The following FAM107A variants were observed in gnomAD, a reference collection of about 807,000 sequenced individuals.
FAM107A encodes actin-associated protein FAM107A.
In FAM107A, 19 loss-of-function variants were observed where a neutral mutation model predicts 13.7. That is an observed-to-expected ratio of 1.38 (90% CI 0.97 to 2.03). The LOEUF is 2.03. Among genes scored for constraint, FAM107A ranks in the 30% most tolerant of loss-of-function variants. FAM107A has a pLI of 0.00. For synonymous variants in FAM107A, 82 were observed against 74.5 expected (o/e 1.10, Z -0.52); for missense variants, 203 against 184.4 (o/e 1.10, Z -0.58).
upstream of FAM107A, among the ~76,000 whole-genome samples, chr3:58,580,295 G>C (rs2065518308): frequency 6.6e-6 from 1 of 150,852 alleles, no homozygotes; most frequent in African/African-American, 2.4e-5. Flanking sequence ...TAATCTGTTA[G>C]CAGAGGTCAA....
upstream of FAM107A, among the ~76,000 whole-genome samples, chr3:58,578,041 C>T (rs1379558098): frequency 6.6e-6 from 1 of 152,146 alleles, no homozygotes; most frequent in African/African-American, 2.4e-5. Context: ...CTCAGTGTCT[C>T]TGTGTCTTGG....
At chr3:58,587,609 C>T (rs1010253247), upstream of FAM107A, among the ~76,000 whole-genome samples, 3 of 151,746 alleles carry the variant, frequency 2.0e-5, no homozygotes, top group South Asian at 2.1e-4. Flanking sequence ...GTGGGTGGCA[C>T]TGAGAGGCAG....
chr3:58,566,904 G>A, intron 3 of FAM107A: 5 of 608,016 alleles, frequency 8.2e-6, no homozygotes, highest in Non-Finnish European at 1.5e-5. Context: ...CCCCCTCTGG[G>A]CCTCAGCTTC....
chr3:58,622,087 A>G (rs973353291), intron 1 of FAM107A, among the ~76,000 whole-genome samples: 1 of 152,158 alleles, frequency 6.6e-6, no homozygotes, highest in Non-Finnish European at 1.5e-5. Context: ...AGTGGTTCCC[A>G]CCCAAGAAGT....
intron 1 of FAM107A, among the ~76,000 whole-genome samples, chr3:58,618,389 T>C (rs1007525772): frequency 6.6e-6 from 1 of 152,192 alleles, no homozygotes; most frequent in African/African-American, 2.4e-5. Flanking sequence ...CTCCGAAGAA[T>C]GACTGTTGCT....
intron 1 of FAM107A, among the ~76,000 whole-genome samples, chr3:58,609,997 C>T (rs970765617): frequency 3.3e-5 from 5 of 152,208 alleles, no homozygotes; most frequent in African/African-American, 1.2e-4. Context: ...GACAAGATGG[C>T]CAGCACATCA....
chr3:58,569,831 TG>T lies in FAM107A; in HGVS notation c.29del (p.Ala10GlufsTer6). On this transcript the variant is annotated frameshift_variant, in exon 2 of 4. Coordinates refer to ENST00000360997, the MANE Select transcript of FAM107A (RefSeq NM_001076778.3). LOFTEE classifies it high-confidence loss of function. The surrounding 1 kb of genome is among the most constrained non-coding windows in gnomAD (Gnocchi z 5.7). MYSEIQRERADIGGLMARPE... is the reference protein window; with the variant it reads MYSEIQRERXDIGGLMARPE... ...GCCGGGCCATCAGGCCCCCAATGTC[TG>T]CCCGCTCCCTCTGGATCTCCGAGTA... 1 of 1,614,120 alleles carries T rather than the reference TG, an allele frequency of 6.2e-7. No individual in the cohort carries two copies. The highest frequency in any genetic ancestry group is 8.5e-7 in the Non-Finnish European group (1 of 1,179,994).
chr3:58,590,669 C>A (rs562462615), upstream of FAM107A, among the ~76,000 whole-genome samples: 3 of 152,158 alleles, frequency 2.0e-5, no homozygotes, highest in African/African-American at 4.8e-5. Context: ...AAGGAAGTGC[C>A]ACACTTTAAA....
chr3:58,571,525 A>T (rs1351365172), intron 1 of FAM107A, among the ~76,000 whole-genome samples: 1 of 152,042 alleles, frequency 6.6e-6, no homozygotes, highest in Non-Finnish European at 1.5e-5. Flanking sequence ...TTAAAAAGTG[A>T]TCATAATAGT....
chr3:58,592,969 C>T (rs569725359), intron 1 of FAM107A, among the ~76,000 whole-genome samples: 28 of 152,290 alleles, frequency 1.8e-4, no homozygotes, highest in African/African-American at 6.7e-4. Context: ...CTCCAGATTC[C>T]CAGCCTTATA....
At chr3:58,626,197 A>T (rs2066014520) in intron 1 of FAM107A, among the ~76,000 whole-genome samples, 1 of 126,656 alleles carries the variant, frequency 7.9e-6, no homozygotes, top group Non-Finnish European at 1.9e-5. Context: ...GAGTAAATGC[A>T]GGCCCCTCTT....
At chr3:58,600,413 G>A (rs2065743933) in intron 1 of FAM107A, among the ~76,000 whole-genome samples, 1 of 152,164 alleles carries the variant, frequency 6.6e-6, no homozygotes, top group Admixed American at 6.5e-5. Flanking sequence ...CCATGCAGCA[G>A]GCATGATCTT....
rs1184845268 is a variant in FAM107A, at chr3:58,567,191, G to A, written c.327+17C>T. On this transcript the variant is annotated intron_variant, in intron 3 of 3. Coordinates refer to ENST00000360997, the MANE Select transcript of FAM107A (RefSeq NM_001076778.3). ...CCCTGGAGGATGCGTGGTCCCTGCT[G>A]GGTGCCCATCACCCACCTGGTTCAG... is the stretch of plus-strand genomic sequence containing the variant. The A allele has an allele frequency of 1.2e-6, 2 of 1,614,110 alleles. No homozygotes were observed.
chr3:58,574,168 C>G (rs934867093), intron 1 of FAM107A: 9 of 152,138 alleles, frequency 5.9e-5, no homozygotes, highest in African/African-American at 2.2e-4. Context: ...TTAACAATCA[C>G]TATTAATAAA....
intron 1 of FAM107A, among the ~76,000 whole-genome samples, chr3:58,605,944 G>T (rs1368464078): frequency 1.3e-5 from 2 of 152,184 alleles, no homozygotes; most frequent in Non-Finnish European, 2.9e-5. Flanking sequence ...AAATGTCACT[G>T]TCACTATCAC....
At chr3:58,599,544 G>T (rs998847343) in intron 1 of FAM107A, among the ~76,000 whole-genome samples, 1 of 152,112 alleles carries the variant, frequency 6.6e-6, no homozygotes, top group South Asian at 2.1e-4. Context: ...CGGGATAGTG[G>T]TTGCCCCTGT....
intron 1 of FAM107A, among the ~76,000 whole-genome samples, chr3:58,620,657 G>A (rs1337905450): frequency 2.6e-5 from 4 of 152,224 alleles, no homozygotes; most frequent in African/African-American, 7.2e-5. Context: ...TCCTCCTGGG[G>A]AGACCCAGCC....
chr3:58,568,938 C>T (rs1430910985), intron 2 of FAM107A, among the ~76,000 whole-genome samples: 1 of 152,166 alleles, frequency 6.6e-6, no homozygotes, highest in Non-Finnish European at 1.5e-5. Flanking sequence ...TTGCACACCA[C>T]GGCCTTCCAC....
chr3:58,595,338 T>C (rs1370295560), intron 1 of FAM107A, among the ~76,000 whole-genome samples: 2 of 152,216 alleles, frequency 1.3e-5, no homozygotes, highest in African/African-American at 4.8e-5. Flanking sequence ...CCAGATGGCC[T>C]GAAGCACCTG....
Sources: allele counts gnomAD v4.1 joint callset (sites outside exome capture counted in the v4.1 genomes callset), GRCh38; gene constraint gnomAD v4.1.1; non-coding constraint Gnocchi (gnomAD v3.1); transcripts MANE v1.5; gene names NCBI Gene and HGNC (gene_info 2026-07-23, HGNC 2026-07-21).